Variants in PKD2L1 observed in about 807,000 individuals in gnomAD.
PKD2L1 encodes the protein polycystin-2-like protein 1.
PKD2L1 carries 77 observed loss-of-function variants against 93.0 expected under a neutral mutation model. That is an observed-to-expected ratio of 0.83 (90% CI 0.69 to 1.00). The LOEUF is 1.00. Ranked by LOEUF, PKD2L1 falls within the 50% of genes least tolerant of loss-of-function variation. The pLI is 0.00. For missense variants in PKD2L1, 977 were observed against 990.9 expected, an observed-to-expected ratio of 0.99 and a Z score of 0.19; for synonymous variants, 390 against 388.0, an observed-to-expected ratio of 1.01 and a Z score of -0.06.
rs1297354572 is a variant in PKD2L1, at chr10:100,288,363, C to A, written c.*33G>T. ...AGGAGGCAGCCTCTTGCAGAAGATC[C>A]TTCATAGACTTTGCTCCGGGAGTGC... On this transcript the variant is annotated 3_prime_UTR_variant, in exon 16 of 16. Coordinates refer to ENST00000318222, the MANE Select transcript of PKD2L1 (RefSeq NM_016112.3). The A allele has an allele frequency of 1.4e-6, 2 of 1,412,110 alleles. No homozygotes were observed. The highest frequency in any genetic ancestry group is 2.3e-5 in the South Asian group (2 of 86,958). The allele number at this position is 1,412,110 out of a possible 1,614,324, so 87.5% of individuals were successfully genotyped here.
chr10:100,305,594 A>T (rs1288640482), intron 2 of PKD2L1, among the ~76,000 whole-genome samples: 1 of 152,244 alleles, frequency 6.6e-6, no homozygotes. Context: ...AAATAAAGCC[A>T]GTCCTTGATT....
In PKD2L1 at chr10:100,296,114, C is replaced by G. The variant is rs376129958; in HGVS notation, c.1356+8G>C. Reference sequence around the variant, plus strand: ...TGAAGCAAAGCTGGGTGTGGGAATCCCAGGTACCTTGATCCAGGCGAAGAA... The same window carrying G: ...TGAAGCAAAGCTGGGTGTGGGAATCGCAGGTACCTTGATCCAGGCGAAGAA... On this transcript the variant is annotated splice_region_variant and intron_variant, in intron 7 of 15. Transcript: ENST00000318222. 11 of 1,602,650 alleles carry G rather than the reference C, an allele frequency of 6.9e-6. No homozygotes were observed. The highest frequency in any genetic ancestry group is 6.8e-6 in the Non-Finnish European group (8 of 1,175,112).
Position 100,291,410 on chromosome 10 carries a change from T to C in PKD2L1, c.1898A>G (p.His633Arg). Reference protein sequence around the residue: ...NTLRELGHAEHEITELTATFT... With the variant: ...NTLRELGHAEREITELTATFT... ...GGTGGCCGTGAGCTCAGTGATTTCA[T>C]GCTCTGCGTGTCCCAGTCTGAGAAG... Residue 633 changes from histidine to arginine, a missense_variant, in exon 12 of 16, where the codon CAT (histidine) becomes CGT (arginine). Transcript: ENST00000318222. 1.9e-6 allele frequency: 3 copies of C among 1,614,156 alleles called. No homozygotes were observed. The highest frequency in any genetic ancestry group is 2.5e-6 in the Non-Finnish European group (3 of 1,179,996).
At position 100,299,730 on chromosome 10, in the gene PKD2L1, C is replaced by T. The variant is rs776536130; in HGVS notation, c.350-12G>A. ...CATTCCATAGGTCACTAGAAAACAA[C>T]CCAAGAGGCTATGTCCTTCTCACTG... On this transcript the variant is annotated splice_polypyrimidine_tract_variant and intron_variant, in intron 2 of 15. Transcript: ENST00000318222. 4 of 1,612,776 alleles carry T rather than the reference C, an allele frequency of 2.5e-6. No homozygotes were observed. The highest frequency in any genetic ancestry group is 3.3e-4 in the Middle Eastern group (2 of 6,080).
At chr10:100,311,187 G>A (rs1202179875) in intron 2 of PKD2L1, among the ~76,000 whole-genome samples, 4 of 152,158 alleles carry the variant, frequency 2.6e-5, no homozygotes, top group Non-Finnish European at 5.9e-5. Context: ...ACCTATTTGA[G>A]TTTTCTTCTT....
rs1008817396 is a variant in PKD2L1, at chr10:100,293,346, A to C, written c.1693T>G (p.Ser565Ala). Reference protein sequence around the residue: ...MFLAIINDTYSEVKEELAGQK... With the variant: ...MFLAIINDTYAEVKEELAGQK... The stretch of plus-strand genomic sequence containing the variant: ...CCAGCCAGCTCCTCCTTGACCTCTG[A>C]ATATGTGTCATTGATGATGGCCAGG... Residue 565 changes from serine (S) to alanine (A), a missense_variant, in exon 10 of 16, where the codon TCA becomes GCA. Ser to Ala is a moderately conservative substitution (Grantham distance 99, BLOSUM62 1). Transcript: ENST00000318222. 1.2e-6 allele frequency: 2 copies of C among 1,613,436 alleles called. No individual in the cohort carries two copies. Among genetic ancestry groups the C allele is most frequent in the African/African-American group, 2.7e-5 (2 of 75,020 alleles).
chr10:100,290,080 C>A lies in PKD2L1; in HGVS notation c.2185G>T (p.Asp729Tyr), dbSNP rs199920556. 109 of 1,614,146 alleles carry A rather than the reference C, an allele frequency of 6.8e-5. 1 individual carries two copies. The East Asian group carries it at 2.3e-3, about 34-fold the overall frequency. ...TVLEGVVSQI[D>Y]AVGSKLKMLE... is the part of the protein sequence containing the mutation. ...ATTTTCAGCTTTGAGCCTACAGCAT[C>A]AATCTGGGACACTACTCCTTCCAGG... is the stretch of plus-strand genomic sequence containing the variant. The change falls in exon 14 of 16, where the codon GAT becomes TAT. Residue 729 changes from aspartate (D) to tyrosine (Y), a missense_variant. By Grantham distance (160) the Asp-to-Tyr change is radical (BLOSUM62 -3). Coordinates refer to ENST00000318222, the MANE Select transcript of PKD2L1 (RefSeq NM_016112.3).
chr10:100,301,091 G>A (rs1030842605), intron 2 of PKD2L1, among the ~76,000 whole-genome samples: 21 of 152,144 alleles, frequency 1.4e-4, no homozygotes, highest in Non-Finnish European at 2.6e-4. Context: ...CCCCTGAGCC[G>A]TAAAACCAGC....
rs1331549975 is a variant in PKD2L1 at position 100,315,157 on chromosome 10, C to G, written c.349+14054G>C. 1.4e-5 allele frequency among the ~76,000 whole-genome samples: 2 copies of G among 145,954 alleles called. 1 individual carries two copies. Among genetic ancestry groups the G allele is most frequent in the African/African-American group, 5.0e-5 (2 of 40,036 alleles). The stretch of plus-strand genomic sequence containing the variant: ...AAATGATTATATACCAAACTAGGAA[C>G]AGTGATTACTGAGAGGGATTTTTTA... On this transcript the variant is annotated intron_variant, in intron 2 of 15. Transcript: ENST00000318222.
At chr10:100,329,129 T>G (rs1402838500) in intron 2 of PKD2L1, 82 bp downstream of exon 2, 8 of 1,348,752 alleles carry the variant, frequency 5.9e-6, no homozygotes, top group Non-Finnish European at 8.4e-6. Context: ...CCACAGATGT[T>G]GCCCACAGGA....
intron 2 of PKD2L1, among the ~76,000 whole-genome samples, chr10:100,321,814 G>A (rs1403593321): frequency 7.5e-5 from 2 of 26,536 alleles, no homozygotes; most frequent in Non-Finnish European, 1.4e-4. Flanking sequence ...GAGGGAGGAA[G>A]GAAGGAAAGA....
Position 100,289,021 on chromosome 10 carries a change from G to C in PKD2L1, c.2286C>G (p.Ala762=). Reference sequence around the variant, plus strand: ...CCCAGGGGTCTGGGGTCACAGCTGGGGCTGGCTGCGGGTGCTTCCAAATAG... The same window carrying C: ...CCCAGGGGTCTGGGGTCACAGCTGGCGCTGGCTGCGGGTGCTTCCAAATAG... The part of the protein sequence containing the change: ...EQAIWKHPQP[A]PAVTPDPWGV... Residue 762 remains alanine, a synonymous_variant, in exon 15 of 16, where the codon GCC becomes GCG. Coordinates refer to ENST00000318222, the MANE Select transcript of PKD2L1 (RefSeq NM_016112.3). The C allele has an allele frequency of 6.2e-7, 1 of 1,613,158 alleles. No homozygotes were observed. The highest frequency in any genetic ancestry group is 2.2e-5 in the East Asian group (1 of 44,854).
intron 2 of PKD2L1, among the ~76,000 whole-genome samples, chr10:100,326,179 T>C (rs1310114406): frequency 6.6e-6 from 1 of 152,234 alleles, no homozygotes; most frequent in African/African-American, 2.4e-5. Flanking sequence ...AAATTTGTCA[T>C]GTCACTCCTA....
intron 2 of PKD2L1, among the ~76,000 whole-genome samples, chr10:100,318,799 G>A (rs1358363325): frequency 3.3e-5 from 5 of 150,442 alleles, no homozygotes; most frequent in South Asian, 2.1e-4. Context: ...GATTACAGGC[G>A]TGAGCCACCG....
chr10:100,315,191 T>C (rs979238884), intron 2 of PKD2L1, among the ~76,000 whole-genome samples: 4 of 152,048 alleles, frequency 2.6e-5, no homozygotes, highest in African/African-American at 9.7e-5. Context: ...TATTTTGTTT[T>C]ATTTTATTTT....
chr10:100,306,534 T>A (rs1433006426), intron 2 of PKD2L1, among the ~76,000 whole-genome samples: 1 of 151,966 alleles, frequency 6.6e-6, no homozygotes, highest in Admixed American at 6.6e-5. Flanking sequence ...GGGGATCACA[T>A]CCCTCGGGTG....
At chr10:100,313,885 AG>A (rs1477475150) in intron 2 of PKD2L1, among the ~76,000 whole-genome samples, 2 of 152,214 alleles carry the variant, frequency 1.3e-5, no homozygotes, top group Non-Finnish European at 2.9e-5. Context: ...TTCTTTACCA[AG>A]GGCTTTCTCT....
In PKD2L1 at chr10:100,314,316, A is replaced by G. The variant is rs187713765; in HGVS notation, c.350-14598T>C. Among the ~76,000 whole-genome samples the G allele has an allele frequency of 3.6e-3, 555 of 152,292 alleles. 3 individuals are homozygous for G. Among genetic ancestry groups the G allele is most frequent in the Non-Finnish European group, 6.3e-3 (429 of 68,024 alleles). ...AGGCTTGTACCCAGAACAGGAAGAC[A>G]TGGAAAAGCCTGTGAGACAAAGGAC... On this transcript the variant is annotated intron_variant, in intron 2 of 15. Transcript: ENST00000318222.
intron 2 of PKD2L1, among the ~76,000 whole-genome samples, chr10:100,324,087 C>CAA (rs1188833737): frequency 1.3e-5 from 2 of 152,218 alleles, no homozygotes; most frequent in Non-Finnish European, 2.9e-5. Context: ...TTCAGTCTCC[C>CAA]AAAGTGCTGG....
Sources: allele counts gnomAD v4.1 joint callset (sites outside exome capture counted in the v4.1 genomes callset), GRCh38; gene constraint gnomAD v4.1.1; transcripts MANE v1.5; gene names NCBI Gene and HGNC (gene_info 2026-07-23, HGNC 2026-07-21).